The following SLC5A12 variants were observed in gnomAD, a reference collection of about 807,000 sequenced individuals.
The protein encoded by SLC5A12 is sodium-coupled monocarboxylate transporter 2.
In SLC5A12, 46 loss-of-function variants were observed where a neutral mutation model predicts 72.7. The ratio of observed to expected loss-of-function variants is 0.63; its 90% CI spans 0.50 to 0.81. The LOEUF is 0.81. Among genes scored for constraint, SLC5A12 ranks in the 30% least tolerant of loss-of-function variants. The probability of loss-of-function intolerance (pLI) is 0.00; values close to 1 mark genes in which losing one functional copy is unlikely to be tolerated. For synonymous variants in SLC5A12, 275 were observed against 264.4 expected (o/e 1.04, Z -0.39); for missense variants, 683 against 740.7 (o/e 0.92, Z 0.90).
intron 8 of SLC5A12, among the ~76,000 whole-genome samples, chr11:26,692,997 T>A (rs565349629): frequency 6.6e-6 from 1 of 152,198 alleles, no homozygotes; most frequent in South Asian, 2.1e-4. Flanking sequence ...AGCCTGCCAC[T>A]CATTAATTAT....
chr11:26,689,192 T>A (rs1854607420), intron 9 of SLC5A12, among the ~76,000 whole-genome samples: 1 of 151,838 alleles, frequency 6.6e-6, no homozygotes, highest in African/African-American at 2.4e-5. Flanking sequence ...GGTCAGGAGT[T>A]TGAGACCAGC....
chr11:26,671,047 T>TTGTGTGGGTGTGTG lies in SLC5A12; in HGVS notation c.*54_*55insCACACACCCACACA. 7.4e-7 allele frequency: 1 copy of TTGTGTGGGTGTGTG among 1,354,116 alleles called. No individual in the cohort carries two copies. Among genetic ancestry groups the TTGTGTGGGTGTGTG allele is most frequent in the Admixed American group, 2.1e-5 (1 of 47,178 alleles). 83.9% of individuals were successfully genotyped at this position (1,354,116 alleles called of 1,614,324 possible). ...CAAGTAGGCAAGAAGTATGTGGAGTTTGTGTGTGTGTGTGTGTATTGCACG... is the reference window on the plus strand; with the variant it reads ...CAAGTAGGCAAGAAGTATGTGGAGTTTGTGTGGGTGTGTGTGTGTGTGTGTGTGTGTATTGCACG... On this transcript the variant is annotated 3_prime_UTR_variant, in exon 15 of 15. Transcript: ENST00000396005.
intron 7 of SLC5A12, 26 bp from the exon 8 acceptor site, chr11:26,697,278 A>T (rs1854842507): frequency 3.2e-6 from 5 of 1,570,922 alleles, no homozygotes; most frequent in South Asian, 1.2e-5. Flanking sequence ...AACATAAAAA[A>T]ATAAATAAAA....
At chr11:26,674,935 A>G (rs1314992897) in intron 13 of SLC5A12, among the ~76,000 whole-genome samples, 1 of 152,168 alleles carries the variant, frequency 6.6e-6, no homozygotes, top group African/African-American at 2.4e-5. Flanking sequence ...GAAATGGTGA[A>G]CTTTTCTAGA....
intron 6 of SLC5A12, among the ~76,000 whole-genome samples, chr11:26,702,133 G>A (rs1421843612): frequency 6.6e-6 from 1 of 152,092 alleles, no homozygotes; most frequent in Non-Finnish European, 1.5e-5. Context: ...GAAATTTTCG[G>A]ATCAAAGTCA....
chr11:26,680,371 T>TCATATATATATGTATATATATA (rs1854377094), intron 12 of SLC5A12, among the ~76,000 whole-genome samples: 1 of 125,774 alleles, frequency 8.0e-6, no homozygotes, highest in Non-Finnish European at 1.7e-5. Flanking sequence ...GTATATATAT[T>TCATATATATATGTATATATATA]CATATATATA....
At chr11:26,686,961 T>A (rs1379862590) in intron 9 of SLC5A12, among the ~76,000 whole-genome samples, 1 of 152,238 alleles carries the variant, frequency 6.6e-6, no homozygotes, top group African/African-American at 2.4e-5. Context: ...TAGTTTTTCA[T>A]CTTAACAATG....
At chr11:26,715,588 C>A (rs1027515710) in intron 1 of SLC5A12, among the ~76,000 whole-genome samples, 1 of 152,154 alleles carries the variant, frequency 6.6e-6, no homozygotes. Flanking sequence ...AGAATCACTT[C>A]CCCCAAATCA....
At position 26,721,672 on chromosome 11, in the gene SLC5A12, C is replaced by A. The variant is rs370104278; in HGVS notation, c.43G>T (p.Ala15Ser). 1 of 1,614,076 alleles carries A rather than the reference C, an allele frequency of 6.2e-7. No individual in the cohort carries two copies. The highest frequency in any genetic ancestry group is 1.3e-5 in the African/African-American group (1 of 75,022). The change falls in exon 1 of 15, where the codon GCA becomes TCA. Residue 15 changes from alanine (A) to serine (S), a missense_variant. Ala to Ser is a moderately conservative substitution (Grantham distance 99). Coordinates refer to ENST00000396005, the MANE Select transcript of SLC5A12 (RefSeq NM_178498.4). ...CCAGAGGAAATGAAAAAGAGGGCTG[C>A]AAATACAACATAATCCCAAACTGCA... ...NFAVWDYVVF[A>S]ALFFISSGIG... is the part of the protein sequence containing the mutation.
chr11:26,674,377 C>CAAAAAAAA (rs142621833), intron 13 of SLC5A12, among the ~76,000 whole-genome samples: 208 of 145,868 alleles, frequency 1.4e-3, no homozygotes, highest in East Asian at 5.6e-3. Context: ...TTTCTAGAGA[C>CAAAAAAAA]AAAAAAAATA....
intron 8 of SLC5A12, among the ~76,000 whole-genome samples, chr11:26,693,845 G>A (rs1854743725): frequency 6.6e-6 from 1 of 152,084 alleles, no homozygotes; most frequent in South Asian, 2.1e-4. Flanking sequence ...ATTGCTTGGG[G>A]GGTACTATTC....
chr11:26,707,311 T>C (rs760169659), intron 4 of SLC5A12, among the ~76,000 whole-genome samples: 2 of 152,032 alleles, frequency 1.3e-5, no homozygotes, highest in Non-Finnish European at 2.9e-5. Context: ...TTTTTCTTTC[T>C]GCTTTAAGGT....
At chr11:26,711,200 TA>T in intron 3 of SLC5A12, 106 bp downstream of exon 3, 1 of 902,212 alleles carries the variant, frequency 1.1e-6, no homozygotes, top group Non-Finnish European at 1.8e-6. Flanking sequence ...CAGAATCCTC[TA>T]ACCAGAAGAA....
intron 6 of SLC5A12, among the ~76,000 whole-genome samples, chr11:26,700,957 C>T (rs1364693849): frequency 6.6e-6 from 1 of 152,126 alleles, no homozygotes; most frequent in Non-Finnish European, 1.5e-5. Flanking sequence ...TCCTCAAGTA[C>T]CAGAGATTTT....
chr11:26,681,339 C>A, intron 11 of SLC5A12, 118 bp from the exon 12 acceptor site: 1 of 828,444 alleles, frequency 1.2e-6, no homozygotes, highest in Non-Finnish European at 1.7e-6. Context: ...ATCTTGGCCA[C>A]ATATTTCAGA....
At position 26,680,122 on chromosome 11, in the gene SLC5A12, C is replaced by T. The variant is rs180774710; in HGVS notation, c.1475+933G>A. ...GAAGCCTGGACTCAGAGGGAATGAG[C>T]CAGTATGGGGAGATATTGATGATAA... On this transcript the variant is annotated intron_variant, in intron 12 of 14. Coordinates refer to ENST00000396005, the MANE Select transcript of SLC5A12 (RefSeq NM_178498.4). Among the ~76,000 whole-genome samples the T allele has an allele frequency of 1.4e-3, 217 of 150,908 alleles. 1 individual carries two copies. Among genetic ancestry groups the T allele is most frequent in the African/African-American group, 4.9e-3 (201 of 41,100 alleles).
At chr11:26,714,439 G>A (rs1416972210) in intron 1 of SLC5A12, among the ~76,000 whole-genome samples, 1 of 152,016 alleles carries the variant, frequency 6.6e-6, no homozygotes, top group Non-Finnish European at 1.5e-5. Context: ...TACTACAAGA[G>A]CTAAAAGTAG....
intron 10 of SLC5A12, among the ~76,000 whole-genome samples, chr11:26,685,766 C>T (rs1035056713): frequency 7.9e-5 from 12 of 152,136 alleles, no homozygotes; most frequent in Admixed American, 6.6e-4. Flanking sequence ...GAGTCATAAA[C>T]CTAGTTTTTC....
chr11:26,703,608 A>C lies in SLC5A12; in HGVS notation c.744T>G (p.Thr248=). 6.2e-7 allele frequency: 1 copy of C among 1,614,054 alleles called. No homozygotes were observed. The highest frequency in any genetic ancestry group is 8.5e-7 in the Non-Finnish European group (1 of 1,179,972). The change falls in exon 6 of 15, where the codon ACT becomes ACG. Residue 248 remains threonine, a synonymous_variant. Coordinates refer to ENST00000396005, the MANE Select transcript of SLC5A12 (RefSeq NM_178498.4). ...FWTITVGGTF[T]WLGIYGVNQS... ...GATTGACCCCATAGATTCCGAGCCA[A>C]GTAAAAGTTCCTCCCACTGTGATAG...
Sources: gnomAD v4.1 joint callset for allele counts (sites outside exome capture counted in the v4.1 genomes callset) on GRCh38, gnomAD v4.1.1 for gene constraint, MANE v1.5 for transcripts, NCBI Gene and HGNC (gene_info 2026-07-23, HGNC 2026-07-21) for gene names.